The following VPS13B variants were observed in gnomAD, a reference collection of about 807,000 sequenced individuals.
The protein encoded by VPS13B is intermembrane lipid transfer protein VPS13B.
VPS13B carries 285 observed loss-of-function variants against 426.4 expected under a neutral mutation model. That is an observed-to-expected ratio of 0.67 (90% CI 0.61 to 0.74). VPS13B has a LOEUF of 0.74. Ranked by LOEUF, VPS13B falls within the 30% of genes least tolerant of loss-of-function variation. VPS13B has a pLI of 0.00. For missense variants in VPS13B, 4,537 were observed against 4,782.6 expected (o/e 0.95, Z 1.51); for synonymous variants, 1,676 against 1,676.4 (o/e 1.00, Z 0.01).
At chr8:99,636,414 T>G (rs1351590733) in intron 33 of VPS13B, among the ~76,000 whole-genome samples, 1 of 152,018 alleles carries the variant, frequency 6.6e-6, no homozygotes, top group Non-Finnish European at 1.5e-5. Context: ...TAAATTCCCT[T>G]TTGTTTTAGT....
At chr8:99,360,118 T>C (rs1812419371) in intron 19 of VPS13B, among the ~76,000 whole-genome samples, 3 of 123,334 alleles carry the variant, frequency 2.4e-5, no homozygotes, top group South Asian at 2.8e-4. Context: ...TTTTTTTTCC[T>C]TATCTTTCTT....
At chr8:99,573,668 T>G (rs1388040849) in intron 31 of VPS13B, among the ~76,000 whole-genome samples, 4 of 152,232 alleles carry the variant, frequency 2.6e-5, no homozygotes, top group African/African-American at 4.8e-5. Flanking sequence ...TATCTCTGTT[T>G]TGGTACCAGT....
intron 16 of VPS13B, among the ~76,000 whole-genome samples, chr8:99,190,828 T>G (rs1813523935): frequency 6.7e-6 from 1 of 149,416 alleles, no homozygotes; most frequent in Non-Finnish European, 1.5e-5. Context: ...TGTTTCTTTC[T>G]TCTTCTTTTT....
intron 16 of VPS13B, among the ~76,000 whole-genome samples, chr8:99,182,363 A>G (rs1812988057): frequency 6.6e-6 from 1 of 152,072 alleles, no homozygotes; most frequent in East Asian, 1.9e-4. Context: ...AACACAGGGA[A>G]TTTTCTGGGG....
At chr8:99,414,219 G>T (rs1563716674) in intron 21 of VPS13B, among the ~76,000 whole-genome samples, 1 of 150,218 alleles carries the variant, frequency 6.7e-6, no homozygotes, top group Admixed American at 6.7e-5. Context: ...TTTTATCAGA[G>T]ACTAGGATTG....
At chr8:99,418,602 G>A (rs532593043) in intron 21 of VPS13B, among the ~76,000 whole-genome samples, 5 of 150,780 alleles carry the variant, frequency 3.3e-5, no homozygotes, top group African/African-American at 1.2e-4. Flanking sequence ...AGGCTGGAGT[G>A]CATTGGTCCC....
chr8:99,762,157 C>A (rs79914131), intron 39 of VPS13B, among the ~76,000 whole-genome samples: 5,207 of 152,162 alleles, frequency 0.034, 105 homozygotes, highest in East Asian at 0.046. Flanking sequence ...TCCTAAGTAA[C>A]TGGGACCACA....
intron 21 of VPS13B, among the ~76,000 whole-genome samples, chr8:99,402,466 C>T (rs1487324856): frequency 6.6e-6 from 1 of 152,046 alleles, no homozygotes; most frequent in Non-Finnish European, 1.5e-5. Flanking sequence ...TTGGTCAGTC[C>T]CTTCCTATCT....
At chr8:99,518,052 G>A (rs1030682921) in intron 29 of VPS13B, among the ~76,000 whole-genome samples, 1 of 151,660 alleles carries the variant, frequency 6.6e-6, no homozygotes, top group African/African-American at 2.4e-5. Flanking sequence ...TTCATAGTCA[G>A]TATAATCTAC....
intron 30 of VPS13B, among the ~76,000 whole-genome samples, chr8:99,544,505 T>C (rs573874708): frequency 6.6e-6 from 1 of 152,276 alleles, no homozygotes; most frequent in Non-Finnish European, 1.5e-5. Flanking sequence ...AATTTTATAA[T>C]TCAGCCGTAA....
At chr8:99,647,625 T>C (rs937740739) in intron 34 of VPS13B, among the ~76,000 whole-genome samples, 1 of 151,576 alleles carries the variant, frequency 6.6e-6, no homozygotes, top group African/African-American at 2.4e-5. Flanking sequence ...AAAATCATAG[T>C]TCTTATGTAA....
intron 23 of VPS13B, among the ~76,000 whole-genome samples, chr8:99,462,176 C>G (rs1818874219): frequency 7.0e-6 from 1 of 143,830 alleles, no homozygotes; most frequent in South Asian, 2.5e-4. Context: ...CTCCCTCCCT[C>G]CCTCCCTCCA....
chr8:99,421,385 A>T (rs1816363331), intron 21 of VPS13B, among the ~76,000 whole-genome samples: 2 of 152,350 alleles, frequency 1.3e-5, no homozygotes, highest in Admixed American at 1.3e-4. Context: ...ATGTTTTCTG[A>T]ACTATTTATT....
chr8:99,651,167 C>T (rs1036876869), intron 34 of VPS13B, among the ~76,000 whole-genome samples: 1 of 151,996 alleles, frequency 6.6e-6, no homozygotes, highest in African/African-American at 2.4e-5. Context: ...TGAGATACTT[C>T]CCAGGATAAA....
intron 6 of VPS13B, among the ~76,000 whole-genome samples, chr8:99,114,414 T>C (rs1454809161): frequency 6.6e-6 from 1 of 152,246 alleles, no homozygotes; most frequent in Non-Finnish European, 1.5e-5. Context: ...TATCCATTTT[T>C]CTACTGAGTA....
intron 17 of VPS13B, chr8:99,234,365 G>A (rs1353713016): frequency 2.7e-6 from 2 of 733,588 alleles, no homozygotes; most frequent in Non-Finnish European, 5.1e-6. Flanking sequence ...CTGCAGGTGA[G>A]GAGGTATGTT....
At chr8:99,522,372 G>A (rs1273495636) in intron 30 of VPS13B, among the ~76,000 whole-genome samples, 1 of 152,110 alleles carries the variant, frequency 6.6e-6, no homozygotes, top group Non-Finnish European at 1.5e-5. Context: ...GTGAACCACT[G>A]AGATAATTCC....
At chr8:99,460,279 A>G (rs1818754919) in intron 23 of VPS13B, among the ~76,000 whole-genome samples, 1 of 151,898 alleles carries the variant, frequency 6.6e-6, no homozygotes, top group Admixed American at 6.6e-5. Context: ...TGGCTCTCGG[A>G]GCTGTATTAT....
rs1588262436 is a variant in VPS13B at position 99,334,810 on chromosome 8, T to TCAACCAA, written c.2825-49398_2825-49397insCAACCAA. The stretch of plus-strand genomic sequence containing the variant: ...TCAATGTTCATCAAGGATATTGGTC[T>TCAACCAA]AAAATTCTCTTTTTTGGTTGTGTCT... On this transcript the variant is annotated intron_variant, in intron 19 of 61. Coordinates refer to ENST00000357162, the MANE Select transcript of VPS13B (RefSeq NM_152564.5). Among the ~76,000 whole-genome samples the TCAACCAA allele has an allele frequency of 2.6e-5, 4 of 152,310 alleles. No homozygotes were observed. In the East Asian group the frequency reaches 5.8e-4, roughly 22 times the overall value.
Sources: allele counts gnomAD v4.1 joint callset (sites outside exome capture counted in the v4.1 genomes callset), GRCh38; gene constraint gnomAD v4.1.1; transcripts MANE v1.5; gene names NCBI Gene and HGNC (gene_info 2026-07-23, HGNC 2026-07-21).